The following PDCD2 variants were observed in gnomAD, a reference collection of about 807,000 sequenced individuals.
PDCD2 encodes the protein programmed cell death 2.
In PDCD2, 38 loss-of-function variants were observed where a neutral mutation model predicts 38.1. That is an observed-to-expected ratio of 1.00 (90% CI 0.77 to 1.31). The LOEUF (loss-of-function observed/expected upper bound fraction) is 1.31. Ranked by LOEUF, PDCD2 falls within the 50% of genes most tolerant of loss-of-function variation. The pLI is 0.00. For missense variants in PDCD2, 473 were observed against 435.7 expected (o/e 1.09, Z -0.76); for synonymous variants, 205 against 168.9 (o/e 1.21, Z -1.66).
chr6:170,575,361 G>T lies in PDCD2; in HGVS notation c.*2198C>A, dbSNP rs941916018. 6.6e-6 allele frequency: 1 copy of T among 151,598 alleles called. No individual in the cohort carries two copies. The highest frequency in any genetic ancestry group is 1.5e-5 in the Non-Finnish European group (1 of 67,988). 9.4% of individuals were successfully genotyped at this position (151,598 alleles called of 1,614,324 possible). ...ATCTGAAATTGCCAAAGGATATTCA[G>T]TATCTGAAATAAAAAGGCAAAGCTG... On this transcript the variant is annotated 3_prime_UTR_variant, in exon 6 of 6. Transcript: ENST00000541970.
intron 3 of PDCD2, among the ~76,000 whole-genome samples, chr6:170,580,375 T>C (rs1416787090): frequency 2.0e-5 from 3 of 152,184 alleles, no homozygotes; most frequent in Admixed American, 1.3e-4. Context: ...TGTGAGCCCT[T>C]ATCATTAGTA....
rs1779449871 is a variant in PDCD2 at position 170,576,242 on chromosome 6, C to T, written c.*1317G>A. 6.6e-6 allele frequency: 1 copy of T among 152,192 alleles called. No homozygotes were observed. The highest frequency in any genetic ancestry group is 6.5e-5 in the Admixed American group (1 of 15,288). The allele number at this position is 152,192 out of a possible 1,614,324, so 9.4% of individuals were successfully genotyped here. ...GTATAACTATCTTATACAATTAATA[C>T]AAATTGCATATGTATACTTATATAA... is the stretch of plus-strand genomic sequence containing the variant. On this transcript the variant is annotated 3_prime_UTR_variant, in exon 6 of 6. Transcript: ENST00000541970.
chr6:170,583,484 C>T, intron 2 of PDCD2, 21 bp downstream of exon 2: 1 of 1,593,570 alleles, frequency 6.3e-7, no homozygotes, highest in Non-Finnish European at 8.6e-7. Context: ...TGAACTGAGA[C>T]TTAAAAAAAA....
chr6:170,577,706 C>A lies in PDCD2; in HGVS notation c.888G>T (p.Gln296His), dbSNP rs1301151559. 6.2e-7 allele frequency: 1 copy of A among 1,612,538 alleles called. No homozygotes were observed. The highest frequency in any genetic ancestry group is 8.5e-7 in the Non-Finnish European group (1 of 1,179,992). ...TGTCAGCCTTCAGGTAGTTTAGGAGCTGAGGCATGACCTGAGAAGAGGGTG... is the reference window on the plus strand; with the variant it reads ...TGTCAGCCTTCAGGTAGTTTAGGAGATGAGGCATGACCTGAGAAGAGGGTG... ...KRILEFQVMP[Q>H]LLNYLKADRL... The change falls in exon 6 of 6, where the codon CAG becomes CAT. Residue 296 changes from glutamine (Q) to histidine (H), a missense_variant. Physicochemically the swap from Gln to His is conservative, Grantham distance 24. Transcript: ENST00000541970.
intron 3 of PDCD2, chr6:170,581,345 T>G (rs1322989175): frequency 6.6e-6 from 1 of 152,182 alleles, no homozygotes; most frequent in East Asian, 1.9e-4. Context: ...TGTTCCCAAG[T>G]ATCCTATAAA....
intron 3 of PDCD2, chr6:170,581,964 C>T: frequency 1.7e-6 from 1 of 600,640 alleles, no homozygotes; most frequent in Non-Finnish European, 2.6e-6. Context: ...CATACAGTTC[C>T]ACAGTCACAT....
In PDCD2 at chr6:170,576,418, C is replaced by T. The variant is rs1323463824; in HGVS notation, c.*1141G>A. 1 of 152,096 alleles carries T rather than the reference C, an allele frequency of 6.6e-6. No individual in the cohort carries two copies. The highest frequency in any genetic ancestry group is 1.5e-5 in the Non-Finnish European group (1 of 68,034). The allele number at this position is 152,096 out of a possible 1,614,324, so 9.4% of individuals were successfully genotyped here. On this transcript the variant is annotated 3_prime_UTR_variant, in exon 6 of 6. Coordinates refer to ENST00000541970, the MANE Select transcript of PDCD2 (RefSeq NM_002598.4). ...GGATGTGTTAGGGGACAATGTGAGC[C>T]AATGTAGATTAAGGAAATAAGCCTG...
chr6:170,583,121 T>C lies in PDCD2; in HGVS notation c.594A>G (p.Thr198=), dbSNP rs770898248. ...LFPEFEIVIE[T]EDEIMPEVVE... ...CAACCTCAGGCATAATCTCATCTTC[T>C]GTTTCTATTACAATTTCAAATTCTG... Residue 198 remains threonine (T), a synonymous_variant, in exon 3 of 6, where the codon ACA becomes ACG. Coordinates refer to ENST00000541970, the MANE Select transcript of PDCD2 (RefSeq NM_002598.4). 5 of 1,613,452 alleles carry C rather than the reference T, an allele frequency of 3.1e-6. No homozygotes were observed. Among genetic ancestry groups the C allele is most frequent in the Non-Finnish European group, 4.2e-6 (5 of 1,179,584 alleles).
In PDCD2 at chr6:170,584,298, C is replaced by T. The variant is rs1583146080; in HGVS notation, c.283+1G>A. The T allele has an allele frequency of 6.9e-7, 1 of 1,445,194 alleles. No homozygotes were observed. The highest frequency in any genetic ancestry group is 2.7e-5 in the East Asian group (1 of 36,640). 89.5% of individuals were successfully genotyped at this position (1,445,194 alleles called of 1,614,324 possible). On this transcript the variant is annotated splice_donor_variant, in intron 1 of 5. Transcript: ENST00000541970. LOFTEE classifies it high-confidence loss of function. ...CGTCCCGACCCCGTTTGGCGGCTCA[C>T]CTCGCAGGCCGGCACAGCACGGCTG...
In PDCD2 at chr6:170,577,375, A is replaced by T; in HGVS notation, c.*184T>A. 1.8e-6 allele frequency: 1 copy of T among 570,988 alleles called. No individual in the cohort carries two copies. Among genetic ancestry groups the T allele is most frequent in the East Asian group, 2.9e-5 (1 of 34,274 alleles). The allele number at this position is 570,988 out of a possible 1,614,324, so 35.4% of individuals were successfully genotyped here. A position where few individuals can be genotyped will look rare whatever the true frequency, so the allele number is the denominator to read the frequency against. On this transcript the variant is annotated 3_prime_UTR_variant, in exon 6 of 6. Coordinates refer to ENST00000541970, the MANE Select transcript of PDCD2 (RefSeq NM_002598.4). The stretch of plus-strand genomic sequence containing the variant: ...GTAGCCTTCCTCTGTGGATGTACCA[A>T]AATTTATTTAATTCCCTGTCACTGG...
chr6:170,577,559 T>C lies in PDCD2; in HGVS notation c.1035A>G (p.Ter345=). Residue 345 remains the stop codon, a stop_retained_variant, in exon 6 of 6, where the codon TAA becomes TAG. Coordinates refer to ENST00000541970, the MANE Select transcript of PDCD2 (RefSeq NM_002598.4). ...VWKQDVTDTP[*] ...CATTTTTCAAGGCTTTAAGATGCCT[T>C]TACGGTGTATCTGTTACATCCTGCT... The C allele has an allele frequency of 6.2e-7, 1 of 1,613,486 alleles. No individual in the cohort carries two copies. The highest frequency in any genetic ancestry group is 1.1e-5 in the South Asian group (1 of 91,056).
At chr6:170,583,389 T>C (rs1253510868) in intron 2 of PDCD2, 116 bp downstream of exon 2, 4 of 1,183,886 alleles carry the variant, frequency 3.4e-6, no homozygotes, top group Non-Finnish European at 4.7e-6. Flanking sequence ...GTTCCAGGCA[T>C]GAAAAATTTT....
intron 3 of PDCD2, 86 bp downstream of exon 3, chr6:170,582,971 C>G: frequency 6.5e-7 from 1 of 1,530,772 alleles, no homozygotes; most frequent in Non-Finnish European, 8.7e-7. Context: ...GTCTTCCTCT[C>G]AGTACCTCTC....
At chr6:170,582,961 G>A (rs1390015860) in intron 3 of PDCD2, 96 bp downstream of exon 3, 15 of 1,518,398 alleles carry the variant, frequency 9.9e-6, no homozygotes, top group Non-Finnish European at 1.2e-5. Flanking sequence ...TCCAAAGTGA[G>A]TCTTCCTCTC....
In PDCD2 at chr6:170,577,647, G is replaced by A; in HGVS notation, c.947C>T (p.Ala316Val). ...GCAGCTCTCAGCACAGGTGAAGACA[G>A]CCAGGATGCCCCAGTCAATGCTCTT... Reference protein sequence around the residue: ...LGKSIDWGILAVFTCAESCSL... With the variant: ...LGKSIDWGILVVFTCAESCSL... The change falls in exon 6 of 6, where the codon GCT becomes GTT. Residue 316 changes from alanine (A) to valine (V), a missense_variant. By Grantham distance (64) the Ala-to-Val change is moderately conservative (BLOSUM62 0). Coordinates refer to ENST00000541970, the MANE Select transcript of PDCD2 (RefSeq NM_002598.4). 6.2e-7 allele frequency: 1 copy of A among 1,613,920 alleles called. No individual in the cohort carries two copies.
chr6:170,583,210 T>C, intron 2 of PDCD2, 22 bp from the exon 3 acceptor site: 1 of 1,475,820 alleles, frequency 6.8e-7, no homozygotes, highest in South Asian at 1.2e-5. Context: ...AGGACAGCAC[T>C]ATTAGTAATC....
Position 170,582,540 on chromosome 6 carries a change from C to T in PDCD2, c.658+517G>A, listed in dbSNP as rs1000518253. On this transcript the variant is annotated intron_variant, in intron 3 of 5. Transcript: ENST00000541970. ...CTGTCACGATTTTAATGAGCTCATGCACAAACAGCCCTTTATATAAGGTAA... is the reference window on the plus strand; with the variant it reads ...CTGTCACGATTTTAATGAGCTCATGTACAAACAGCCCTTTATATAAGGTAA... 6.7e-6 allele frequency: 9 copies of T among 1,345,984 alleles called. No homozygotes were observed. The African/African-American group carries it at 1.0e-4, about 15-fold the overall frequency. The allele number at this position is 1,345,984 out of a possible 1,614,324, so 83.4% of individuals were successfully genotyped here.
intron 5 of PDCD2, 45 bp from the exon 6 acceptor site, chr6:170,577,762 G>A (rs1234618586): frequency 5.0e-6 from 8 of 1,594,702 alleles, no homozygotes; most frequent in Non-Finnish European, 6.0e-6. Context: ...TTCACAGCAG[G>A]GAGCACGAGA....
chr6:170,577,599 T>G lies in PDCD2; in HGVS notation c.995A>C (p.Glu332Ala). 6.2e-7 allele frequency: 1 copy of G among 1,614,158 alleles called. No individual in the cohort carries two copies. Among genetic ancestry groups the G allele is most frequent in the South Asian group, 1.1e-5 (1 of 91,078 alleles). Residue 332 changes from glutamate (E) to alanine (A), a missense_variant, in exon 6 of 6, where the codon GAA (glutamate) becomes GCA (alanine). By Grantham distance (107) the Glu-to-Ala change is moderately radical. Transcript: ENST00000541970. ...TACATCCTGCTTCCACACAAATTCT[T>G]CTGTATAGCCAGTACCCAAGCTGCA... ...ESCSLGTGYTEEFVWKQDVTD... is the reference protein window; with the variant it reads ...ESCSLGTGYTAEFVWKQDVTD...
Sources: allele counts gnomAD v4.1 joint callset (sites outside exome capture counted in the v4.1 genomes callset), GRCh38; gene constraint gnomAD v4.1.1; transcripts MANE v1.5; gene names NCBI Gene and HGNC (gene_info 2026-07-23, HGNC 2026-07-21).